Variants in NHP2 observed in about 807,000 individuals in gnomAD.
The protein encoded by NHP2 is NHP2 ribonucleoprotein.
Under a neutral mutation model 16.7 loss-of-function variants are expected in NHP2, and 10 were observed. That is an observed-to-expected ratio of 0.60 (90% CI 0.37 to 1.01). NHP2 has a LOEUF of 1.01. Among genes scored for constraint, NHP2 ranks in the 50% least tolerant of loss-of-function variants. The probability of loss-of-function intolerance (pLI) is 0.01; values close to 1 mark genes in which losing one functional copy is unlikely to be tolerated. For synonymous variants in NHP2, 87 were observed against 78.9 expected (o/e 1.10, Z -0.54); for missense variants, 184 against 198.3 (o/e 0.93, Z 0.43).
At chr5:178,152,340 A>G (rs1243842053) in intron 2 of NHP2, among the ~76,000 whole-genome samples, 4 of 152,176 alleles carry the variant, frequency 2.6e-5, no homozygotes, top group African/African-American at 9.7e-5. Context: ...TCCTGCCCAG[A>G]GGCCCACTCT....
intron 3 of NHP2, 99 bp downstream of exon 3, chr5:178,150,789 G>C (rs756883886): frequency 1.2e-6 from 1 of 833,416 alleles, no homozygotes; most frequent in Non-Finnish European, 2.1e-6. Flanking sequence ...GCCTGTCTTA[G>C]CTCCAACACT....
intron 2 of NHP2, among the ~76,000 whole-genome samples, chr5:178,151,985 G>A (rs1756290068): frequency 6.6e-6 from 1 of 151,986 alleles, no homozygotes; most frequent in Admixed American, 6.6e-5. Context: ...TCAAGATTGG[G>A]CCCTCTGTCC....
At chr5:178,153,345 T>C in intron 2 of NHP2, 146 bp downstream of exon 2, 1 of 785,568 alleles carries the variant, frequency 1.3e-6, no homozygotes, top group South Asian at 1.4e-5. Flanking sequence ...GTACCGGTAT[T>C]GTACCAAAGG....
At chr5:178,153,414 T>C (rs1265351299) in intron 2 of NHP2, 77 bp downstream of exon 2, 1 of 1,495,772 alleles carries the variant, frequency 6.7e-7, no homozygotes, top group Non-Finnish European at 9.3e-7. Context: ...GTTAACCTTT[T>C]TACTGCGCGC....
chr5:178,151,284 G>C (rs556698902), intron 2 of NHP2, among the ~76,000 whole-genome samples: 1 of 152,308 alleles, frequency 6.6e-6, no homozygotes, highest in South Asian at 2.1e-4. Context: ...ATGGATGACT[G>C]TGTGGCAGGC....
rs188924540 is a variant in NHP2 at position 178,152,937 on chromosome 5, T to C, written c.230+554A>G. On this transcript the variant is annotated intron_variant, in intron 2 of 3. Coordinates refer to ENST00000274606, the MANE Select transcript of NHP2 (RefSeq NM_017838.4). Reference sequence around the variant, plus strand: ...CTCCTCTGTCTCTGCAAAACAACAATAACAACAGCCAGGCGTGGCGCAAGC... The same window carrying C: ...CTCCTCTGTCTCTGCAAAACAACAACAACAACAGCCAGGCGTGGCGCAAGC... Among the ~76,000 whole-genome samples the C allele has an allele frequency of 3.3e-3, 502 of 152,136 alleles. 3 individuals carry two copies. The highest frequency in any genetic ancestry group is 0.01 in the Middle Eastern group (3 of 294).
chr5:178,149,720 G>C lies in NHP2; in HGVS notation c.455C>G (p.Pro152Arg). The C allele has an allele frequency of 6.2e-7, 1 of 1,613,858 alleles. No homozygotes were observed. Among genetic ancestry groups the C allele is most frequent in the Non-Finnish European group, 8.5e-7 (1 of 1,179,970 alleles). Residue 152 changes from proline (P) to arginine (R), a missense_variant, in exon 4 of 4, where the codon CCC (proline) becomes CGC (arginine). Transcript: ENST00000274606. ...AGGTGCTACCGGAGCCCCTCATAGG[G>C]GTAGGGGCAGGGACTGCACCTCCTC... ...CLEEVQSLPLPL is the reference protein window; with the variant it reads ...CLEEVQSLPLRL
chr5:178,153,738 A>G lies in NHP2; in HGVS notation c.80T>C (p.Leu27Pro). 6.2e-7 allele frequency: 1 copy of G among 1,613,776 alleles called. No individual in the cohort carries two copies. Among genetic ancestry groups the G allele is most frequent in the Non-Finnish European group, 8.5e-7 (1 of 1,179,820 alleles). The change falls in exon 1 of 4, where the codon CTG (leucine) becomes CCG (proline). Residue 27 changes from leucine to proline, a missense_variant. Leu to Pro is a moderately conservative substitution (Grantham distance 98, BLOSUM62 -3). Transcript: ENST00000274606. ...CGCGATGGGGTTCTGGTTGACCAGC[A>G]GCTCCTGGTAGGTGCGCTCCCCGGA... ...ACSGERTYQE[L>P]LVNQNPIAQP...
At chr5:178,153,304 G>C in intron 2 of NHP2, 187 bp downstream of exon 2, 1 of 682,944 alleles carries the variant, frequency 1.5e-6, no homozygotes, top group Non-Finnish European at 2.7e-6. Context: ...AATTCACTTT[G>C]AGCTGGTATA....
Position 178,153,551 on chromosome 5 carries a change from T to C in NHP2, c.170A>G (p.Gln57Arg), listed in dbSNP as rs1756327270. 2 of 1,614,082 alleles carry C rather than the reference T, an allele frequency of 1.2e-6. No individual in the cohort carries two copies. The highest frequency in any genetic ancestry group is 1.7e-5 in the Admixed American group (1 of 60,012). ...TTTCACCCCGCGCCGAATCTGCTTC[T>C]GCTTCACCGCTGCAACGACAGAAGA... ...LYKCIKKAVKQKQIRRGVKEV... is the reference protein window; with the variant it reads ...LYKCIKKAVKRKQIRRGVKEV... The change falls in exon 2 of 4, where the codon CAG becomes CGG. Residue 57 changes from glutamine to arginine, a missense_variant. Transcript: ENST00000274606.
chr5:178,151,599 AAG>A (rs1442912442), intron 2 of NHP2, among the ~76,000 whole-genome samples: 1 of 152,176 alleles, frequency 6.6e-6, no homozygotes, highest in Non-Finnish European at 1.5e-5. Flanking sequence ...CCTCGGCTGA[AAG>A]AATGCTTCCG....
chr5:178,151,889 G>T (rs545444085), intron 2 of NHP2, among the ~76,000 whole-genome samples: 9 of 152,188 alleles, frequency 5.9e-5, no homozygotes, highest in Admixed American at 1.3e-4. Flanking sequence ...TGGAAGTCAT[G>T]TGTCTCTACA....
At chr5:178,150,384 A>ATT (rs58292208) in intron 3 of NHP2, 70 of 225,750 alleles carry the variant, frequency 3.1e-4, no homozygotes, top group South Asian at 5.8e-4. Flanking sequence ...CCCAGCCTCT[A>ATT]TTTTTTTTTT....
chr5:178,150,335 T>C (rs1756237257), intron 3 of NHP2: 1 of 239,148 alleles, frequency 4.2e-6, no homozygotes, highest in South Asian at 5.1e-5. Context: ...CCTCCTGCTT[T>C]ATCCCAAGAA....
rs182433428 is a variant in NHP2 at position 178,150,854 on chromosome 5, G to A, written c.336+34C>T. On this transcript the variant is annotated intron_variant, in intron 3 of 3. Coordinates refer to ENST00000274606, the MANE Select transcript of NHP2 (RefSeq NM_017838.4). ...GGCAGACTATCCCAGACACCCCAGTGCTGAGCAAGGTCAGGGGGCCACGTG... is the reference window on the plus strand; with the variant it reads ...GGCAGACTATCCCAGACACCCCAGTACTGAGCAAGGTCAGGGGGCCACGTG... The A allele has an allele frequency of 2.6e-5, 36 of 1,382,574 alleles. No homozygotes were observed. In the East Asian group the frequency reaches 8.0e-4, roughly 31 times the overall value. The allele number at this position is 1,382,574 out of a possible 1,614,324, so 85.6% of individuals were successfully genotyped here.
chr5:178,153,862 G>T lies in NHP2; in HGVS notation c.-45C>A, dbSNP rs570671968. ...TAGTCCCAGGGAGGCGAGCCCACGC[G>T]GTCCACAGCTTTAGGCATCACTTCC... On this transcript the variant is annotated 5_prime_UTR_variant, in exon 1 of 4. Transcript: ENST00000274606. 1 of 1,575,398 alleles carries T rather than the reference G, an allele frequency of 6.3e-7. No homozygotes were observed. Among genetic ancestry groups the T allele is most frequent in the Admixed American group, 1.9e-5 (1 of 53,630 alleles).
At chr5:178,152,740 G>A (rs992576995) in intron 2 of NHP2, among the ~76,000 whole-genome samples, 5 of 152,206 alleles carry the variant, frequency 3.3e-5, no homozygotes, top group South Asian at 2.1e-4. Flanking sequence ...ATTATCTGAT[G>A]AATGAATGTC....
At chr5:178,151,370 T>C (rs1324557032) in intron 2 of NHP2, among the ~76,000 whole-genome samples, 1 of 152,090 alleles carries the variant, frequency 6.6e-6, no homozygotes, top group East Asian at 1.9e-4. Flanking sequence ...GCCGAGAGAC[T>C]GGCAGGGGAC....
chr5:178,152,607 G>A (rs1293409606), intron 2 of NHP2, among the ~76,000 whole-genome samples: 5 of 152,214 alleles, frequency 3.3e-5, no homozygotes, highest in African/African-American at 1.2e-4. Context: ...GAAGAAAAAT[G>A]TAAACAAGGT....
Sources: gnomAD v4.1 joint callset for allele counts (sites outside exome capture counted in the v4.1 genomes callset) on GRCh38, gnomAD v4.1.1 for gene constraint, MANE v1.5 for transcripts, NCBI Gene and HGNC (gene_info 2026-07-23, HGNC 2026-07-21) for gene names.